GALNT17: variants seen among roughly 807,000 people sequenced by gnomAD.
GALNT17 encodes the protein polypeptide N-acetylgalactosaminyltransferase 17, also known as UDP-GalNAc:polypeptide N-acetylgalactosaminyltransferase-like 3.
GALNT17 carries 29 observed loss-of-function variants against 63.7 expected under a neutral mutation model. The observed-to-expected ratio is 0.46, with a 90% confidence interval of 0.34 to 0.62. The LOEUF is 0.62. Ranked by LOEUF, GALNT17 falls within the 20% of genes least tolerant of loss-of-function variation. The pLI is 0.01. For missense variants in GALNT17, 603 were observed against 799.6 expected (o/e 0.75, Z 2.97); for synonymous variants, 305 against 318.3 (o/e 0.96, Z 0.45).
intron 9 of GALNT17, among the ~76,000 whole-genome samples, chr7:71,679,254 A>T (rs555405757): frequency 6.6e-6 from 1 of 152,186 alleles, no homozygotes; most frequent in East Asian, 1.9e-4. Flanking sequence ...TCTACAAAAA[A>T]TACATAAAAT....
chr7:71,647,227 C>CTTTTTTTTTTT (rs1167069191), intron 6 of GALNT17, among the ~76,000 whole-genome samples: 1 of 13,322 alleles, frequency 7.5e-5, no homozygotes, highest in African/African-American at 1.5e-4. Context: ...CTGTGCCCAG[C>CTTTTTTTTTTT]TATTTTTTTT....
At chr7:71,279,008 C>T (rs780478283) in intron 1 of GALNT17, among the ~76,000 whole-genome samples, 5 of 151,948 alleles carry the variant, frequency 3.3e-5, no homozygotes, top group South Asian at 4.2e-4. Context: ...TCACTGCAAC[C>T]TCCACCTCCC....
chr7:71,238,307 G>A (rs71549395), intron 1 of GALNT17, among the ~76,000 whole-genome samples: 1 of 152,176 alleles, frequency 6.6e-6, no homozygotes, highest in Non-Finnish European at 1.5e-5. Context: ...GAGGGGTTGG[G>A]AAAGAGGTCT....
intron 2 of GALNT17, among the ~76,000 whole-genome samples, chr7:71,353,549 A>G (rs1792225526): frequency 6.6e-6 from 1 of 152,202 alleles, no homozygotes; most frequent in South Asian, 2.1e-4. Context: ...ATGACAGTCC[A>G]GTTATTTTTT....
At chr7:71,496,128 C>G (rs1415238215) in intron 5 of GALNT17, among the ~76,000 whole-genome samples, 1 of 152,184 alleles carries the variant, frequency 6.6e-6, no homozygotes, top group Non-Finnish European at 1.5e-5. Flanking sequence ...GAGACAAGAA[C>G]AGCCCCAATG....
At chr7:71,586,245 G>T (rs1159155737) in intron 6 of GALNT17, among the ~76,000 whole-genome samples, 2 of 152,142 alleles carry the variant, frequency 1.3e-5, no homozygotes, top group South Asian at 2.1e-4. Flanking sequence ...GTCTGTTCCA[G>T]AATATCACAT....
intron 1 of GALNT17, among the ~76,000 whole-genome samples, chr7:71,206,973 G>GT (rs1789283471): frequency 6.6e-6 from 1 of 152,158 alleles, no homozygotes; most frequent in African/African-American, 2.4e-5. Flanking sequence ...GGGCGTGGTG[G>GT]TAAGTGCCTG....
intron 5 of GALNT17, among the ~76,000 whole-genome samples, chr7:71,489,654 A>G (rs1171501028): frequency 6.6e-6 from 1 of 152,234 alleles, no homozygotes; most frequent in African/African-American, 2.4e-5. Flanking sequence ...CCAACGAGAC[A>G]TGGGATTTTA....
intron 1 of GALNT17, among the ~76,000 whole-genome samples, chr7:71,251,194 C>T (rs1426496228): frequency 6.7e-6 from 1 of 149,020 alleles, no homozygotes; most frequent in Non-Finnish European, 1.5e-5. Flanking sequence ...GGGTGGAGAA[C>T]TCTGAAAGAG....
intron 6 of GALNT17, among the ~76,000 whole-genome samples, chr7:71,627,800 T>A (rs1790395468): frequency 6.6e-6 from 1 of 152,058 alleles, no homozygotes; most frequent in African/African-American, 2.4e-5. Flanking sequence ...CCAAGAACAA[T>A]GCCCCCCCGC....
At chr7:71,546,511 T>A (rs1788988304) in intron 5 of GALNT17, among the ~76,000 whole-genome samples, 1 of 152,158 alleles carries the variant, frequency 6.6e-6, no homozygotes, top group South Asian at 2.1e-4. Flanking sequence ...ACAGGTTTCC[T>A]TGTGATTTAT....
intron 5 of GALNT17, among the ~76,000 whole-genome samples, chr7:71,476,565 T>C (rs1359201247): frequency 6.7e-6 from 1 of 150,224 alleles, no homozygotes; most frequent in African/African-American, 2.5e-5. Flanking sequence ...AGGTATGGAG[T>C]GTGGCATTCA....
intron 6 of GALNT17, among the ~76,000 whole-genome samples, chr7:71,649,612 AACACACACACACACAC>A (rs148658729): frequency 2.7e-5 from 4 of 146,268 alleles, no homozygotes; most frequent in East Asian, 2.0e-4. Flanking sequence ...TTCAGGATTA[AACACACACACACACAC>A]ACACACACAC....
chr7:71,182,862 A>C (rs1788758603), intron 1 of GALNT17, among the ~76,000 whole-genome samples: 1 of 152,194 alleles, frequency 6.6e-6, no homozygotes, highest in Non-Finnish European at 1.5e-5. Context: ...CCCATTTGTC[A>C]GAGTCTTCCC....
At chr7:71,653,419 T>G (rs564258012) in intron 6 of GALNT17, among the ~76,000 whole-genome samples, 1 of 152,238 alleles carries the variant, frequency 6.6e-6, no homozygotes, top group African/African-American at 2.4e-5. Context: ...AGGACTTTTT[T>G]TTTTTTTAAG....
intron 2 of GALNT17, among the ~76,000 whole-genome samples, chr7:71,360,450 C>G (rs1274277908): frequency 1.3e-5 from 2 of 151,884 alleles, no homozygotes; most frequent in Non-Finnish European, 2.9e-5. Flanking sequence ...GTTCCTGGGA[C>G]TATGGATACC....
chr7:71,474,346 C>A (rs1787688874), intron 5 of GALNT17, among the ~76,000 whole-genome samples: 1 of 152,120 alleles, frequency 6.6e-6, no homozygotes, highest in Non-Finnish European at 1.5e-5. Flanking sequence ...CCCATCTCAT[C>A]CTGTGACTAA....
chr7:71,437,151 A>G (rs1425801971), intron 5 of GALNT17, among the ~76,000 whole-genome samples: 1 of 152,218 alleles, frequency 6.6e-6, no homozygotes, highest in Non-Finnish European at 1.5e-5. Flanking sequence ...CGGATGGTCA[A>G]AGGTTAGTCT....
At chr7:71,654,018 T>G (rs1298890327) in intron 6 of GALNT17, among the ~76,000 whole-genome samples, 7 of 152,094 alleles carry the variant, frequency 4.6e-5, no homozygotes, top group Non-Finnish European at 1.0e-4. Flanking sequence ...ATCTTATTTT[T>G]TTTATTTTTT....
Sources: gnomAD v4.1 joint callset for allele counts (sites outside exome capture counted in the v4.1 genomes callset) on GRCh38, gnomAD v4.1.1 for gene constraint, MANE v1.5 for transcripts, NCBI Gene and HGNC (gene_info 2026-07-23, HGNC 2026-07-21) for gene names.